The following SVIL variants were observed in gnomAD, a reference collection of about 807,000 sequenced individuals.
SVIL encodes the protein supervillin, also known as archvillin.
Under a neutral mutation model 240.4 loss-of-function variants are expected in SVIL, and 101 were observed. The observed-to-expected ratio is 0.42, with a 90% CI of 0.36 to 0.50. SVIL has a LOEUF of 0.50. SVIL is among the 20% of genes least tolerant of loss of function. SVIL has a pLI of 0.01. For missense variants in SVIL, 2,512 were observed against 2,818.7 expected (o/e 0.89, Z 2.46); for synonymous variants, 999 against 1,100.0 (o/e 0.91, Z 1.82).
intron 3 of SVIL, among the ~76,000 whole-genome samples, chr10:29,560,917 C>A (rs184428443): frequency 6.8e-6 from 1 of 147,700 alleles, no homozygotes; most frequent in Admixed American, 6.8e-5. Context: ...TGGCTCACGG[C>A]AACCTCCGCC....
At chr10:29,539,224 T>A (rs1258166385) in intron 6 of SVIL, among the ~76,000 whole-genome samples, 1 of 152,148 alleles carries the variant, frequency 6.6e-6, no homozygotes, top group African/African-American at 2.4e-5. Flanking sequence ...GAAGGCATCA[T>A]GCCTAGGACA....
rs1950575905 is a variant in SVIL, at chr10:29,521,786, AC to A, written c.3389+623del. On this transcript the variant is annotated intron_variant, in intron 16 of 37. Coordinates refer to ENST00000355867, the MANE Select transcript of SVIL (RefSeq NM_021738.3). ...GTCTAATTTAAATATATTCCTCTGC[AC>A]CCTACGTCATTCTTTTGAAAGAAAT... Among the ~76,000 whole-genome samples, 3 of 152,302 alleles carry A rather than the reference AC, an allele frequency of 2.0e-5. No individual in the cohort carries two copies. In the South Asian group the frequency reaches 6.2e-4, roughly 32 times the overall value.
chr10:29,496,537 C>T lies in SVIL; in HGVS notation c.3665-1356G>A, dbSNP rs114935934. The T allele has an allele frequency of 6.0e-3, 2,320 of 385,076 alleles. 53 individuals carry two copies. Among genetic ancestry groups the T allele is most frequent in the African/African-American group, 0.042 (2,010 of 47,690 alleles). The allele number at this position is 385,076 out of a possible 1,614,324, so 23.9% of individuals were successfully genotyped here. On this transcript the variant is annotated intron_variant, in intron 18 of 37. Coordinates refer to ENST00000355867, the MANE Select transcript of SVIL (RefSeq NM_021738.3). Reference sequence around the variant, plus strand: ...AATCCATCCGTGTCCTGGCCGGTGCCGGGCAAACCCCGCTGCCATGGCTCC... The same window carrying T: ...AATCCATCCGTGTCCTGGCCGGTGCTGGGCAAACCCCGCTGCCATGGCTCC...
At chr10:29,664,636 T>G (rs1454590186) in intron 2 of SVIL, among the ~76,000 whole-genome samples, 1 of 152,112 alleles carries the variant, frequency 6.6e-6, no homozygotes. Context: ...AACAAAACCA[T>G]CTACCCATTA....
At chr10:29,661,869 C>T (rs149220129) in intron 2 of SVIL, among the ~76,000 whole-genome samples, 1,946 of 152,064 alleles carry the variant, frequency 0.013, 21 homozygotes, top group South Asian at 0.021. Context: ...CATTATGTTG[C>T]TCAGGCTGGT....
At chr10:29,713,934 G>A (rs1163246827) in intron 1 of SVIL, among the ~76,000 whole-genome samples, 1 of 152,158 alleles carries the variant, frequency 6.6e-6, no homozygotes, top group Non-Finnish European at 1.5e-5. Flanking sequence ...AGCCAAATAT[G>A]GAATAGAATT....
intron 1 of SVIL, among the ~76,000 whole-genome samples, chr10:29,689,393 T>A (rs1387842665): frequency 6.6e-6 from 1 of 152,176 alleles, no homozygotes; most frequent in Non-Finnish European, 1.5e-5. Context: ...CATGTGATTC[T>A]CCTGCCTCAG....
chr10:29,555,417 G>A (rs1196114799), intron 3 of SVIL, among the ~76,000 whole-genome samples: 1 of 151,964 alleles, frequency 6.6e-6, no homozygotes, highest in Non-Finnish European at 1.5e-5. Context: ...AAATGACAGA[G>A]TTATCAAGGC....
intron 1 of SVIL, among the ~76,000 whole-genome samples, chr10:29,599,935 G>A (rs188634747): frequency 6.6e-6 from 1 of 152,078 alleles, no homozygotes; most frequent in East Asian, 1.9e-4. Flanking sequence ...GGTAGGAGTA[G>A]GGTAATCTGG....
At chr10:29,462,778 G>A (rs923740833) in intron 35 of SVIL, among the ~76,000 whole-genome samples, 8 of 152,112 alleles carry the variant, frequency 5.3e-5, no homozygotes, top group South Asian at 2.1e-4. Context: ...GACTGACGGC[G>A]AACGACAGCA....
chr10:29,692,995 T>C (rs1287626630), intron 1 of SVIL, among the ~76,000 whole-genome samples: 1 of 152,142 alleles, frequency 6.6e-6, no homozygotes, highest in African/African-American at 2.4e-5. Context: ...GGGAGTTATT[T>C]ATATCCCACC....
At chr10:29,503,354 G>A (rs868638320) in intron 17 of SVIL, among the ~76,000 whole-genome samples, 1 of 152,224 alleles carries the variant, frequency 6.6e-6, no homozygotes, top group African/African-American at 2.4e-5. Flanking sequence ...ATGAAAGGAA[G>A]GGAATAAAGT....
At chr10:29,604,263 C>A (rs2505904) in intron 1 of SVIL, among the ~76,000 whole-genome samples, 67,712 of 145,530 alleles carry the variant, frequency 0.47, 16,346 homozygotes, top group Non-Finnish European at 0.52. Context: ...GCAGTGGTGC[C>A]ATCTTGGCTC....
Position 29,577,840 on chromosome 10 carries a change from A to AAAT in SVIL, c.-200-8531_-200-8529dup, listed in dbSNP as rs1358390828. On this transcript the variant is annotated intron_variant, in intron 1 of 37. Coordinates refer to ENST00000355867, the MANE Select transcript of SVIL (RefSeq NM_021738.3). ...CCATTCATAATTGTATCAAAAAATA[A>AAAT]AATAGTTGTAAATTTAACCAATTAG... Among the ~76,000 whole-genome samples the AAAT allele has an allele frequency of 6.6e-5, 10 of 152,344 alleles. No individual in the cohort carries two copies. The East Asian group carries it at 1.5e-3, about 23-fold the overall frequency.
intron 27 of SVIL, chr10:29,482,825 C>T (rs1335772275): frequency 3.9e-5 from 6 of 152,446 alleles, no homozygotes; most frequent in Middle Eastern, 3.4e-3. Flanking sequence ...GATCTCTCAT[C>T]CCTCCAGATC....
At chr10:29,613,220 G>A (rs948157355) in intron 1 of SVIL, among the ~76,000 whole-genome samples, 5 of 151,346 alleles carry the variant, frequency 3.3e-5, no homozygotes, top group African/African-American at 1.2e-4. Context: ...CGGGCCGAAT[G>A]AGTGATGCTC....
At chr10:29,644,080 T>C in intron 3 of SVIL, 1 of 498,156 alleles carries the variant, frequency 2.0e-6, no homozygotes, top group South Asian at 1.5e-5. Flanking sequence ...TCTAAAAATA[T>C]GGGATTTCTG....
chr10:29,502,072 C>T (rs567476299), intron 17 of SVIL, among the ~76,000 whole-genome samples: 6 of 152,186 alleles, frequency 3.9e-5, no homozygotes, highest in African/African-American at 1.4e-4. Context: ...GATGATACAA[C>T]CATTTTAGAA....
At chr10:29,726,746 C>CA (rs923921649) in intron 1 of SVIL, among the ~76,000 whole-genome samples, 26 of 147,154 alleles carry the variant, frequency 1.8e-4, no homozygotes, top group Middle Eastern at 3.4e-3. Context: ...GACTCTAACT[C>CA]AAAAAAAAAA....
Sources: allele counts gnomAD v4.1 joint callset (sites outside exome capture counted in the v4.1 genomes callset), GRCh38; gene constraint gnomAD v4.1.1; transcripts MANE v1.5; gene names NCBI Gene and HGNC (gene_info 2026-07-23, HGNC 2026-07-21).